The following GLI1 variants were observed in gnomAD, a reference collection of about 807,000 sequenced individuals.
The protein encoded by GLI1 is transcription activator GLI1.
GLI1 carries 51 observed loss-of-function variants against 87.8 expected under a neutral mutation model. The observed-to-expected ratio is 0.58, with a 90% CI of 0.46 to 0.73. GLI1 has a LOEUF of 0.73. Ranked by LOEUF, GLI1 falls within the 30% of genes least tolerant of loss-of-function variation. GLI1 has a pLI of 0.00. For missense variants in GLI1, 1,292 were observed against 1,437.2 expected (o/e 0.90, Z 1.63); for synonymous variants, 528 against 558.2 (o/e 0.95, Z 0.76).
Position 57,468,220 on chromosome 12 carries a change from C to T in GLI1, c.1304C>T (p.Ala435Val). 6.2e-7 allele frequency: 1 copy of T among 1,608,406 alleles called. No individual in the cohort carries two copies. Among genetic ancestry groups the T allele is most frequent in the Non-Finnish European group, 8.5e-7 (1 of 1,174,988 alleles). The change falls in exon 10 of 12, where the codon GCC becomes GTC. Residue 435 changes from alanine to valine, a missense_variant. Ala to Val is a moderately conservative substitution (Grantham distance 64). Transcript: ENST00000228682. ...AGCAGACTGACTGTGCCAGAGGGTGCCATGGTGAGAGAGCCCAGGCAACCC... is the reference window on the plus strand; with the variant it reads ...AGCAGACTGACTGTGCCAGAGGGTGTCATGGTGAGAGAGCCCAGGCAACCC... ...EESRLTVPEG[A>V]MKPQPSPGAQ...
At chr12:57,467,057 GACA>G (rs1468253461) in intron 8 of GLI1, among the ~76,000 whole-genome samples, 51 of 152,062 alleles carry the variant, frequency 3.4e-4, no homozygotes, top group African/African-American at 1.0e-3. Context: ...CCCATCTTGG[GACA>G]GCCTAAGATC....
intron 11 of GLI1, among the ~76,000 whole-genome samples, 163 bp downstream of exon 11, chr12:57,469,861 T>C (rs1871751054): frequency 6.6e-6 from 1 of 152,152 alleles, no homozygotes; most frequent in African/African-American, 2.4e-5. Context: ...ATAGTTGTGA[T>C]GTACAAACAT....
intron 8 of GLI1, 47 bp from the exon 9 acceptor site, chr12:57,467,286 A>G (rs776160322): frequency 1.2e-5 from 18 of 1,503,102 alleles, no homozygotes; most frequent in East Asian, 2.3e-5. Context: ...TTCCATCTCC[A>G]TGTCCTCTGT....
At chr12:57,470,257 G>A (rs2139863811) in intron 11 of GLI1, 60 bp from the exon 12 acceptor site, 1 of 1,309,180 alleles carries the variant, frequency 7.6e-7, no homozygotes, top group East Asian at 2.3e-5. Context: ...GCATGGAGGA[G>A]GCAGGGTGAA....
intron 9 of GLI1, 126 bp downstream of exon 9, chr12:57,467,623 C>T: frequency 1.2e-6 from 1 of 807,164 alleles, no homozygotes; most frequent in Non-Finnish European, 1.9e-6. Context: ...ACATAATTCG[C>T]CCAGAAAAGG....
At chr12:57,464,290 G>C (rs562953490) in intron 3 of GLI1, among the ~76,000 whole-genome samples, 199 bp downstream of exon 3, 1 of 152,038 alleles carries the variant, frequency 6.6e-6, no homozygotes. Context: ...GGGAAGCCGT[G>C]GCAGGAAGAT....
intron 11 of GLI1, 78 bp downstream of exon 11, chr12:57,469,776 G>A: frequency 7.5e-7 from 1 of 1,338,760 alleles, no homozygotes; most frequent in Non-Finnish European, 1.1e-6. Context: ...AGTCACCCTT[G>A]AGGGCTGTCA....
At position 57,465,689 on chromosome 12, in the gene GLI1, G is replaced by T. The variant is rs868274692; in HGVS notation, c.617G>T (p.Gly206Val). The T allele has an allele frequency of 6.2e-7, 1 of 1,613,980 alleles. No homozygotes were observed. The highest frequency in any genetic ancestry group is 8.5e-7 in the Non-Finnish European group (1 of 1,179,808). ...GATATGTCCAGCCCCAACTCCACAG[G>T]CATACAGGTAAGGGGATGGGCAGGA... ...EGDMSSPNST[G>V]IQDPLLGMLD... is the part of the protein sequence containing the mutation. The change falls in exon 6 of 12, where the codon GGC becomes GTC. Residue 206 changes from glycine (G) to valine (V), a missense_variant. Physicochemically the swap from Gly to Val is moderately radical, Grantham distance 109 (BLOSUM62 -3). Around this residue, in one of 3 missense-constraint regions of GLI1, gnomAD observed 383 missense variants for 368.4 expected, o/e 1.04. Transcript: ENST00000228682.
Position 57,459,785 on chromosome 12 carries a change from G to T in GLI1, c.-444G>T, listed in dbSNP as rs563257939. On this transcript the variant is annotated 5_prime_UTR_variant, in exon 1 of 12. Coordinates refer to ENST00000228682, the MANE Select transcript of GLI1 (RefSeq NM_005269.3). ...GTTCAGCCGGGGCGGGGGGGGGGGC[G>T]TAAGCAGTATAGGGTCCCTCAAGGG... Among the ~76,000 whole-genome samples the T allele has an allele frequency of 7.1e-4, 96 of 135,012 alleles. 2 individuals carry two copies. In the South Asian group the frequency reaches 8.9e-3, roughly 13 times the overall value. The allele number at this position is 135,012 out of a possible 152,430, so 88.6% of individuals were successfully genotyped here.
Position 57,468,041 on chromosome 12 carries a change from T to A in GLI1, c.1125T>A (p.Asp375Glu). 1.2e-6 allele frequency: 2 copies of A among 1,614,220 alleles called. No individual in the cohort carries two copies. Among genetic ancestry groups the A allele is most frequent in the Non-Finnish European group, 1.7e-6 (2 of 1,180,030 alleles). Residue 375 changes from aspartate to glutamate, a missense_variant, in exon 10 of 12, where the codon GAT (aspartate) becomes GAA (glutamate). Transcript: ENST00000228682. ...CTGGCTGCACCAAACGCTATACAGATCCTAGCTCGCTGCGAAAACATGTCA... is the reference window on the plus strand; with the variant it reads ...CTGGCTGCACCAAACGCTATACAGAACCTAGCTCGCTGCGAAAACATGTCA... ...KLPGCTKRYT[D>E]PSSLRKHVKT...
In GLI1 at chr12:57,466,259, T is replaced by A; in HGVS notation, c.782T>A (p.Ile261Asn). 5.6e-6 allele frequency: 9 copies of A among 1,613,580 alleles called. No individual in the cohort carries two copies. The highest frequency in any genetic ancestry group is 7.6e-6 in the Non-Finnish European group (9 of 1,179,726). Reference protein sequence around the residue: ...QLVHHINSEHIHGERKEFVCH... With the variant: ...QLVHHINSEHNHGERKEFVCH... The stretch of plus-strand genomic sequence containing the variant: ...CCTCAGCACATCAACAGCGAGCACA[T>A]CCACGGGGAGCGGAAGGAGTTCGTG... Residue 261 changes from isoleucine (I) to asparagine (N), a missense_variant, in exon 8 of 12, where the codon ATC (isoleucine) becomes AAC (asparagine). Ile to Asn is a moderately radical substitution (Grantham distance 149). Coordinates refer to ENST00000228682, the MANE Select transcript of GLI1 (RefSeq NM_005269.3).
intron 5 of GLI1, 64 bp from the exon 6 acceptor site, chr12:57,465,543 C>T (rs572386138): frequency 5.1e-6 from 7 of 1,360,914 alleles, no homozygotes; most frequent in Middle Eastern, 1.8e-4. Flanking sequence ...GAAGACCTGG[C>T]TTGGTTTCCT....
Position 57,467,425 on chromosome 12 carries a change from C to T in GLI1, c.1005C>T (p.His335=), listed in dbSNP as rs141854128. The T allele has an allele frequency of 2.2e-5, 35 of 1,612,968 alleles. No individual in the cohort carries two copies. The highest frequency in any genetic ancestry group is 5.3e-5 in the African/African-American group (4 of 75,002). The change falls in exon 9 of 12, where the codon CAC becomes CAT. Residue 335 remains histidine, a synonymous_variant. Transcript: ENST00000228682. ...GTGAGAAGCCATACATGTGTGAGCA[C>T]GAGGGCTGCAGTAAAGCCTTCAGCA... ...HTGEKPYMCE[H]EGCSKAFSNA... is the part of the protein sequence containing the mutation.
chr12:57,471,361 C>A lies in GLI1; in HGVS notation c.2621C>A (p.Pro874His). 6.3e-7 allele frequency: 1 copy of A among 1,599,174 alleles called. No individual in the cohort carries two copies. Among genetic ancestry groups the A allele is most frequent in the Non-Finnish European group, 8.5e-7 (1 of 1,172,692 alleles). ...ACCCAGCCACCCCCTGATTATCTTC[C>A]TTCAGAACCCAGGCCTTGCCTGGAC... ...PYTQPPPDYLPSEPRPCLDFD... is the reference protein window; with the variant it reads ...PYTQPPPDYLHSEPRPCLDFD... The change falls in exon 12 of 12, where the codon CCT (proline) becomes CAT (histidine). Residue 874 changes from proline to histidine, a missense_variant. Coordinates refer to ENST00000228682, the MANE Select transcript of GLI1 (RefSeq NM_005269.3). The surrounding 1 kb of genome is among the most constrained non-coding windows in gnomAD (Gnocchi z 4.9).
Position 57,469,636 on chromosome 12 carries a change from A to G in GLI1, c.1514A>G (p.Gln505Arg). The G allele has an allele frequency of 1.9e-6, 3 of 1,614,112 alleles. No individual in the cohort carries two copies. The highest frequency in any genetic ancestry group is 2.5e-6 in the Non-Finnish European group (3 of 1,180,018). ...LRRLENLRLD[Q>R]LHQLRPIGTR... ...CGCCTTGAGAACCTCAGGCTGGACCAGCTACATCAACTCCGGCCAATAGGG... is the reference window on the plus strand; with the variant it reads ...CGCCTTGAGAACCTCAGGCTGGACCGGCTACATCAACTCCGGCCAATAGGG... The change falls in exon 11 of 12, where the codon CAG becomes CGG. Residue 505 changes from glutamine (Q) to arginine (R), a missense_variant. By Grantham distance (43) the Gln-to-Arg change is conservative (BLOSUM62 1). Around this residue, in one of 3 missense-constraint regions of GLI1, gnomAD observed 897 missense variants for 1,040.7 expected, o/e 0.86. Transcript: ENST00000228682.
At chr12:57,466,916 T>G (rs1360953663) in intron 8 of GLI1, among the ~76,000 whole-genome samples, 1 of 152,076 alleles carries the variant, frequency 6.6e-6, no homozygotes, top group African/African-American at 2.4e-5. Flanking sequence ...AAAAAAAATT[T>G]TTTTTAAAAA....
intron 7 of GLI1, 92 bp from the exon 8 acceptor site, chr12:57,466,148 C>T: frequency 2.3e-5 from 31 of 1,336,618 alleles, no homozygotes; most frequent in Non-Finnish European, 3.2e-5. Flanking sequence ...GAGGTGGAGT[C>T]GTGGAAGAGG....
In GLI1 at chr12:57,471,822, C is replaced by T; in HGVS notation, c.3082C>T (p.Pro1028Ser). ...RLGGGPALYP[P>S]PEGQVCNPLD... ...AGGAGGGGGTCCTGCCTTGTACCCTCCTCCCGAAGGACAGGTATGTAACCC... is the reference window on the plus strand; with the variant it reads ...AGGAGGGGGTCCTGCCTTGTACCCTTCTCCCGAAGGACAGGTATGTAACCC... The change falls in exon 12 of 12, where the codon CCT (proline) becomes TCT (serine). Residue 1028 changes from proline to serine, a missense_variant. Transcript: ENST00000228682. The surrounding 1 kb of genome is among the most constrained non-coding windows in gnomAD (Gnocchi z 4.9). The T allele has an allele frequency of 6.4e-7, 1 of 1,564,500 alleles. No individual in the cohort carries two copies. The highest frequency in any genetic ancestry group is 1.2e-5 in the South Asian group (1 of 82,300).
At chr12:57,461,376 G>A (rs1205072855) in intron 1 of GLI1, among the ~76,000 whole-genome samples, 1 of 152,054 alleles carries the variant, frequency 6.6e-6, no homozygotes, top group Non-Finnish European at 1.5e-5. Flanking sequence ...GACGTCACCA[G>A]GGGGTTCCCG....
Sources: gnomAD v4.1 joint callset for allele counts (sites outside exome capture counted in the v4.1 genomes callset) on GRCh38, gnomAD v4.1.1 for gene constraint, gnomAD v4.1.1 regional missense constraint, Gnocchi (gnomAD v3.1) non-coding constraint, MANE v1.5 for transcripts, NCBI Gene and HGNC (gene_info 2026-07-23, HGNC 2026-07-21) for gene names.